The following KIF26A variants were observed in gnomAD, a reference collection of about 807,000 sequenced individuals.
KIF26A encodes the protein kinesin family member 26A.
In KIF26A, 74 loss-of-function variants were observed where a neutral mutation model predicts 126.0. The ratio of observed to expected loss-of-function variants is 0.59; its 90% CI spans 0.49 to 0.71. KIF26A has a LOEUF of 0.71. Ranked by LOEUF, KIF26A falls within the 30% of genes least tolerant of loss-of-function variation. KIF26A has a pLI of 0.00. For missense variants in KIF26A, 2,984 were observed against 2,763.3 expected (o/e 1.08, Z -1.79); for synonymous variants, 1,445 against 1,232.7 (o/e 1.17, Z -3.61).
Position 104,177,408 on chromosome 14 carries a change from C to G in KIF26A, c.4620C>G (p.Ala1540=). ...PVAGPRAAPR[A]GPSVGAKAGR... ...CCGGTCCCAGAGCAGCCCCACGGGC[C>G]GGGCCCAGTGTCGGGGCGAAGGCTG... Residue 1540 remains alanine (A), a synonymous_variant, in exon 12 of 15, where the codon GCC becomes GCG. Transcript: ENST00000423312. 3 of 1,500,098 alleles carry G rather than the reference C, an allele frequency of 2.0e-6. No homozygotes were observed. The highest frequency in any genetic ancestry group is 2.7e-6 in the Non-Finnish European group (3 of 1,128,640). 92.9% of individuals were successfully genotyped at this position (1,500,098 alleles called of 1,614,324 possible).
intron 3 of KIF26A, among the ~76,000 whole-genome samples, chr14:104,155,455 G>A (rs1349907379): frequency 6.0e-5 from 9 of 150,098 alleles, no homozygotes; most frequent in East Asian, 2.0e-4. Context: ...TGCGCCCCTC[G>A]GCCTCACGCT....
At position 104,138,670 on chromosome 14, in the gene KIF26A, C is replaced by A; in HGVS notation, c.-53C>A. 8.0e-7 allele frequency: 1 copy of A among 1,244,964 alleles called. No individual in the cohort carries two copies. Among genetic ancestry groups the A allele is most frequent in the South Asian group, 2.6e-5 (1 of 38,786 alleles). The allele number at this position is 1,244,964 out of a possible 1,614,324, so 77.1% of individuals were successfully genotyped here. On this transcript the variant is annotated 5_prime_UTR_variant, in exon 1 of 15. Coordinates refer to ENST00000423312, the MANE Select transcript of KIF26A (RefSeq NM_015656.2). ...CCGGATCACGTAGCCGCGGCGCCCC[C>A]GGAGAGCCAGCGTGGCCGGGAGCGC...
At chr14:104,156,076 G>C (rs1008986891) in intron 3 of KIF26A, among the ~76,000 whole-genome samples, 1 of 152,170 alleles carries the variant, frequency 6.6e-6, no homozygotes, top group Non-Finnish European at 1.5e-5. Flanking sequence ...TGGGTGGTGC[G>C]GCCCCGGCCC....
At chr14:104,150,117 C>T (rs536636865) in intron 2 of KIF26A, among the ~76,000 whole-genome samples, 1 of 147,536 alleles carries the variant, frequency 6.8e-6, no homozygotes, top group Non-Finnish European at 1.5e-5. Flanking sequence ...GGGCCCTCCC[C>T]CTCCTGGTCC....
intron 3 of KIF26A, among the ~76,000 whole-genome samples, chr14:104,154,601 C>T (rs1487547920): frequency 2.0e-5 from 3 of 152,364 alleles, no homozygotes; most frequent in East Asian, 1.9e-4. Context: ...CTGTGCCCCA[C>T]GCCTCCTGCC....
intron 2 of KIF26A, among the ~76,000 whole-genome samples, 189 bp downstream of exon 2, chr14:104,139,477 G>C (rs991563755): frequency 6.6e-6 from 1 of 152,236 alleles, no homozygotes; most frequent in African/African-American, 2.4e-5. Flanking sequence ...GAGCTAGGGA[G>C]CTCAGCCCGA....
At position 104,179,601 on chromosome 14, in the gene KIF26A, C is replaced by T. The variant is rs765099328; in HGVS notation, c.5468-8C>T. ...GCAGGTGCCCCTCCCCTCTCCTCCC[C>T]TCCCCAGTTGAGGTGGACCCGGAGC... is the stretch of plus-strand genomic sequence containing the variant. On this transcript the variant is annotated splice_region_variant and splice_polypyrimidine_tract_variant and intron_variant, in intron 14 of 14. Transcript: ENST00000423312. 1.3e-6 allele frequency: 2 copies of T among 1,514,526 alleles called. No individual in the cohort carries two copies. The highest frequency in any genetic ancestry group is 2.1e-5 in the Admixed American group (1 of 47,702). 93.8% of individuals were successfully genotyped at this position (1,514,526 alleles called of 1,614,324 possible). A position where few individuals can be genotyped will look rare whatever the true frequency, so the allele number is the denominator to read the frequency against.
intron 2 of KIF26A, among the ~76,000 whole-genome samples, chr14:104,142,650 AAG>A (rs2037647571): frequency 1.3e-5 from 2 of 152,050 alleles, no homozygotes; most frequent in Non-Finnish European, 2.9e-5. Context: ...TCAGCAGGCA[AAG>A]CTGGGGCCTC....
In KIF26A at chr14:104,157,809, C is replaced by G. The variant is rs371648998; in HGVS notation, c.790C>G (p.Pro264Ala). 1.6e-4 allele frequency: 262 copies of G among 1,610,048 alleles called. 4 individuals carry two copies. The highest frequency in any genetic ancestry group is 1.4e-3 in the East Asian group (63 of 44,792). ...AVADTVRECP[P>A]VAGPDGLSKA... ...GGCAGACACGGTCCGAGAATGCCCCCCCGTGGCCGGCCCTGATGGCTTGTC... is the reference window on the plus strand; with the variant it reads ...GGCAGACACGGTCCGAGAATGCCCCGCCGTGGCCGGCCCTGATGGCTTGTC... The change falls in exon 4 of 15, where the codon CCC becomes GCC. Residue 264 changes from proline (P) to alanine (A), a missense_variant. Transcript: ENST00000423312.
intron 2 of KIF26A, among the ~76,000 whole-genome samples, chr14:104,142,229 T>C (rs2037644055): frequency 6.6e-6 from 1 of 152,114 alleles, no homozygotes; most frequent in South Asian, 2.1e-4. Flanking sequence ...CCTGCCCCTG[T>C]TGGAGCCCCA....
chr14:104,158,825 G>A (rs1596139174), intron 4 of KIF26A, among the ~76,000 whole-genome samples: 1 of 152,316 alleles, frequency 6.6e-6, no homozygotes, highest in Middle Eastern at 3.4e-3. Flanking sequence ...CCTGGGACCC[G>A]TGGCAGAGCC....
rs375705738 is a variant in KIF26A, at chr14:104,166,894, A to G, written c.959A>G (p.Lys320Arg). 6.3e-7 allele frequency: 1 copy of G among 1,586,652 alleles called. No individual in the cohort carries two copies. The change falls in exon 5 of 15, where the codon AAG (lysine) becomes AGG (arginine). Residue 320 changes from lysine (K) to arginine (R), a missense_variant. Coordinates refer to ENST00000423312, the MANE Select transcript of KIF26A (RefSeq NM_015656.2). ...AAGCTCAGCCTGGCCTCCAAGAGGA[A>G]GAAGCCCCACCCGCCACCGCCTCCA... ...MQKLSLASKR[K>R]KPHPPPPPAT...
Position 104,179,873 on chromosome 14 carries a change from G to T in KIF26A, c.*83G>T. 2.2e-6 allele frequency: 3 copies of T among 1,342,296 alleles called. No individual in the cohort carries two copies. Among genetic ancestry groups the T allele is most frequent in the Non-Finnish European group, 3.0e-6 (3 of 1,009,272 alleles). The allele number at this position is 1,342,296 out of a possible 1,614,324, so 83.1% of individuals were successfully genotyped here. A position where few individuals can be genotyped will look rare whatever the true frequency, so the allele number is the denominator to read the frequency against. ...ACGGAGCGAGGATGTGGTGGGGGCTGCGGGGGGAGGATGCGGAGGGGTTTC... is the reference window on the plus strand; with the variant it reads ...ACGGAGCGAGGATGTGGTGGGGGCTTCGGGGGGAGGATGCGGAGGGGTTTC... On this transcript the variant is annotated 3_prime_UTR_variant, in exon 15 of 15. Transcript: ENST00000423312.
intron 1 of KIF26A, 113 bp downstream of exon 1, chr14:104,138,877 G>A: frequency 7.9e-7 from 1 of 1,260,012 alleles, no homozygotes; most frequent in Non-Finnish European, 1.0e-6. Context: ...GAGGGTAGCG[G>A]ACCCGCAGGC....
Position 104,179,389 on chromosome 14 carries a change from G to T in KIF26A, c.5467+3G>T. ...GCCTGGCCGCTGGCTGGAGCAGTGTGAGTCCCGCCCGCCCACGGACCCAGC... is the reference window on the plus strand; with the variant it reads ...GCCTGGCCGCTGGCTGGAGCAGTGTTAGTCCCGCCCGCCCACGGACCCAGC... On this transcript the variant is annotated splice_donor_region_variant and intron_variant, in intron 14 of 14. Coordinates refer to ENST00000423312, the MANE Select transcript of KIF26A (RefSeq NM_015656.2). 1 of 1,507,762 alleles carries T rather than the reference G, an allele frequency of 6.6e-7. No individual in the cohort carries two copies. The allele number at this position is 1,507,762 out of a possible 1,614,324, so 93.4% of individuals were successfully genotyped here.
At position 104,158,871 on chromosome 14, in the gene KIF26A, A is replaced by C. The variant is rs190805621; in HGVS notation, c.923+929A>C. Among the ~76,000 whole-genome samples, 6 of 152,300 alleles carry C rather than the reference A, an allele frequency of 3.9e-5. 1 individual carries two copies. In the East Asian group the frequency reaches 1.2e-3, roughly 29 times the overall value. ...CTGATGGTGTAAGGATGCGGATTAC[A>C]GGATGTAATTGCCATAATGCCTGGT... is the stretch of plus-strand genomic sequence containing the variant. On this transcript the variant is annotated intron_variant, in intron 4 of 14. Transcript: ENST00000423312.
At position 104,175,002 on chromosome 14, in the gene KIF26A, C is replaced by G; in HGVS notation, c.2214C>G (p.Gly738=). 6.5e-7 allele frequency: 1 copy of G among 1,549,388 alleles called. No individual in the cohort carries two copies. The part of the protein sequence containing the change: ...KKAKYASSSS[G]GESSCEEGRA... ...CCCAGTACGCCTCCAGCTCCTCTGG[C>G]GGGGAGAGCTCCTGTGAGGAAGGCC... Residue 738 remains glycine (G), a synonymous_variant, in exon 12 of 15, where the codon GGC becomes GGG. Coordinates refer to ENST00000423312, the MANE Select transcript of KIF26A (RefSeq NM_015656.2).
chr14:104,142,889 G>A (rs1257976207), intron 2 of KIF26A, among the ~76,000 whole-genome samples: 1 of 152,208 alleles, frequency 6.6e-6, no homozygotes, highest in African/African-American at 2.4e-5. Context: ...TCACCCCCGG[G>A]ACTGCTGGGG....
intron 2 of KIF26A, among the ~76,000 whole-genome samples, chr14:104,146,402 G>C (rs2037680832): frequency 6.6e-6 from 1 of 152,060 alleles, no homozygotes; most frequent in South Asian, 2.1e-4. Flanking sequence ...CTCTATAGAT[G>C]CCCTAGAGGC....
Sources: allele counts gnomAD v4.1 joint callset (sites outside exome capture counted in the v4.1 genomes callset), GRCh38; gene constraint gnomAD v4.1.1; transcripts MANE v1.5; gene names NCBI Gene and HGNC (gene_info 2026-07-23, HGNC 2026-07-21).